The following MECOM variants were observed in gnomAD, a reference collection of about 807,000 sequenced individuals.
The protein encoded by MECOM is MDS1 and EVI1 complex locus.
A neutral mutation model predicts 116.3 loss-of-function variants in MECOM; 13 were observed. The observed-to-expected ratio is 0.11, with a 90% CI of 0.07 to 0.18. MECOM has a LOEUF of 0.18. Among genes scored for constraint, MECOM ranks in the 10% least tolerant of loss-of-function variants. MECOM has a pLI of 1.00. For missense variants in MECOM, 1,299 were observed against 1,509.0 expected (o/e 0.86, Z 2.31); for synonymous variants, 528 against 535.2 (o/e 0.99, Z 0.19).
intron 2 of MECOM, among the ~76,000 whole-genome samples, chr3:169,367,274 G>A (rs1206038391): frequency 6.6e-6 from 1 of 151,956 alleles, no homozygotes. Flanking sequence ...CAGGGATAGT[G>A]GATTTAAGTT....
At chr3:169,242,149 G>A (rs1754904482) in intron 2 of MECOM, among the ~76,000 whole-genome samples, 1 of 152,166 alleles carries the variant, frequency 6.6e-6, no homozygotes, top group Admixed American at 6.5e-5. Flanking sequence ...TTAGGAGATA[G>A]TTAATTTAGA....
intron 10 of MECOM, among the ~76,000 whole-genome samples, 155 bp from the exon 11 acceptor site, chr3:169,102,381 A>T (rs1723889120): frequency 6.6e-6 from 1 of 152,250 alleles, no homozygotes; most frequent in African/African-American, 2.4e-5. Flanking sequence ...AAACAACAAC[A>T]GAATTGATTT....
intron 14 of MECOM, among the ~76,000 whole-genome samples, chr3:169,090,798 T>C (rs1210578848): frequency 6.6e-6 from 1 of 151,928 alleles, no homozygotes; most frequent in African/African-American, 2.4e-5. Flanking sequence ...TGGAAGTAAT[T>C]GACAGCTCAC....
chr3:169,145,352 A>G (rs2149300024), intron 2 of MECOM: 2 of 281,922 alleles, frequency 7.1e-6, no homozygotes, highest in East Asian at 1.1e-4. Context: ...GTGCTGAGTA[A>G]CTCAAATGGC....
At chr3:169,378,990 G>A (rs1400826290) in intron 2 of MECOM, among the ~76,000 whole-genome samples, 2 of 151,604 alleles carry the variant, frequency 1.3e-5, no homozygotes, top group Admixed American at 1.3e-4. Context: ...GGTCACACTA[G>A]TTAATCACAA....
chr3:169,149,952 TGTGTGTGTG>T (rs1740914458), intron 2 of MECOM, among the ~76,000 whole-genome samples: 1 of 149,682 alleles, frequency 6.7e-6, no homozygotes, highest in Non-Finnish European at 1.5e-5. Flanking sequence ...TGTGTGTGTG[TGTGTGTGTG>T]TGTGTGTGTG....
chr3:169,350,396 C>T (rs1726116118), intron 2 of MECOM, among the ~76,000 whole-genome samples: 1 of 151,900 alleles, frequency 6.6e-6, no homozygotes, highest in South Asian at 2.1e-4. Context: ...CAGTGGCTTT[C>T]AGTGCTTCCT....
intron 2 of MECOM, among the ~76,000 whole-genome samples, chr3:169,281,521 T>C (rs1404362774): frequency 1.3e-5 from 2 of 152,174 alleles, no homozygotes; most frequent in Admixed American, 1.3e-4. Flanking sequence ...GCAAAAGACT[T>C]CATTGAGGGC....
chr3:169,222,324 G>C (rs960275914), intron 2 of MECOM, among the ~76,000 whole-genome samples: 1 of 152,160 alleles, frequency 6.6e-6, no homozygotes, highest in Non-Finnish European at 1.5e-5. Flanking sequence ...CTATGGTTTC[G>C]AAATTAATTC....
chr3:169,285,714 A>G (rs1013537787), intron 2 of MECOM, among the ~76,000 whole-genome samples: 2 of 152,182 alleles, frequency 1.3e-5, no homozygotes, highest in African/African-American at 4.8e-5. Context: ...TCTTTATTAG[A>G]TAGGCTGCAC....
chr3:169,537,820 G>A (rs1002062632), intron 1 of MECOM, among the ~76,000 whole-genome samples: 3 of 151,918 alleles, frequency 2.0e-5, no homozygotes, highest in Non-Finnish European at 4.4e-5. Context: ...GAGTACAAAG[G>A]TGGCCAGGCT....
intron 2 of MECOM, among the ~76,000 whole-genome samples, chr3:169,273,718 C>T (rs546300205): frequency 6.6e-6 from 1 of 152,148 alleles, no homozygotes; most frequent in African/African-American, 2.4e-5. Flanking sequence ...TGGGTAGAAT[C>T]GTTGCTCATC....
chr3:169,288,615 T>C (rs58243530), intron 2 of MECOM, among the ~76,000 whole-genome samples: 2,962 of 152,164 alleles, frequency 0.019, 135 homozygotes, highest in East Asian at 0.18. Context: ...TTCACGCTTA[T>C]TGGGGTGGGG....
At chr3:169,390,045 T>C (rs1431223172) in intron 1 of MECOM, among the ~76,000 whole-genome samples, 1 of 152,168 alleles carries the variant, frequency 6.6e-6, no homozygotes, top group Non-Finnish European at 1.5e-5. Context: ...TCACAAGTCC[T>C]GGCATGGAGT....
At position 169,536,347 on chromosome 3, in the gene MECOM, C is replaced by CTTT. The variant is rs10634392; in HGVS notation, c.37+126986_37+126988dup. Among the ~76,000 whole-genome samples the CTTT allele has an allele frequency of 9.4e-3, 1,094 of 116,034 alleles. 28 individuals carry two copies. The highest frequency in any genetic ancestry group is 0.032 in the African/African-American group (928 of 28,686). 76.1% of individuals were successfully genotyped at this position (116,034 alleles called of 152,430 possible). A position where few individuals can be genotyped will look rare whatever the true frequency, so the allele number is the denominator to read the frequency against. On this transcript the variant is annotated intron_variant, in intron 1 of 16. Coordinates refer to ENST00000651503, the MANE Select transcript of MECOM (RefSeq NM_004991.4). Reference sequence around the variant, plus strand: ...GAGCTCTGTTTGTTAAATGTCTCTCCTTTTTTTTTTTTTTTTTTTTGGTAT... The same window carrying CTTT: ...GAGCTCTGTTTGTTAAATGTCTCTCCTTTTTTTTTTTTTTTTTTTTTTTGGTAT...
intron 1 of MECOM, among the ~76,000 whole-genome samples, chr3:169,564,115 G>A (rs1263820920): frequency 2.0e-5 from 3 of 152,174 alleles, no homozygotes; most frequent in African/African-American, 7.2e-5. Context: ...GAAAAAAATT[G>A]AAGAAAAGGT....
intron 2 of MECOM, among the ~76,000 whole-genome samples, chr3:169,232,215 C>T (rs991380603): frequency 1.3e-5 from 2 of 152,116 alleles, no homozygotes; most frequent in Non-Finnish European, 2.9e-5. Flanking sequence ...ATATTCTAAA[C>T]TCTGGTGGGC....
At chr3:169,306,175 T>C (rs1017196942) in intron 2 of MECOM, among the ~76,000 whole-genome samples, 4 of 152,150 alleles carry the variant, frequency 2.6e-5, no homozygotes, top group African/African-American at 7.2e-5. Flanking sequence ...AAATTCATGA[T>C]TATCTTCCTT....
intron 1 of MECOM, among the ~76,000 whole-genome samples, chr3:169,579,212 G>GA (rs1262972624): frequency 6.6e-6 from 1 of 152,022 alleles, no homozygotes; most frequent in South Asian, 2.1e-4. Flanking sequence ...TCTCACTTAA[G>GA]AAAAAAACAC....
Sources: gnomAD v4.1 joint callset for allele counts (sites outside exome capture counted in the v4.1 genomes callset) on GRCh38, gnomAD v4.1.1 for gene constraint, MANE v1.5 for transcripts, NCBI Gene and HGNC (gene_info 2026-07-23, HGNC 2026-07-21) for gene names.